Variants in ABCC5 observed in about 807,000 individuals in gnomAD.
ABCC5 encodes the protein ATP-binding cassette sub-family C member 5.
Under a neutral mutation model 160.9 loss-of-function variants are expected in ABCC5, and 61 were observed. The ratio of observed to expected loss-of-function variants is 0.38; its 90% confidence interval spans 0.31 to 0.47. The LOEUF (loss-of-function observed/expected upper bound fraction) is 0.47. Among genes scored for constraint, ABCC5 ranks in the 20% least tolerant of loss-of-function variants. The pLI, the probability that ABCC5 is intolerant of heterozygous loss-of-function variation, is 0.99. For missense variants in ABCC5, 1,308 were observed against 1,813.3 expected (o/e 0.72, Z 5.06); for synonymous variants, 666 against 700.6 (o/e 0.95, Z 0.78).
intron 11 of ABCC5, among the ~76,000 whole-genome samples, chr3:183,968,289 T>C (rs751591958): frequency 3.9e-5 from 6 of 152,066 alleles, no homozygotes; most frequent in Non-Finnish European, 8.8e-5. Flanking sequence ...TTTATATTTT[T>C]AGTAGAGACA....
At chr3:183,959,662 A>G in intron 17 of ABCC5, 71 bp downstream of exon 17, 1 of 1,148,554 alleles carries the variant, frequency 8.7e-7, no homozygotes, top group South Asian at 1.3e-5. Context: ...AACATCATGA[A>G]TTACTTACTA....
rs1413590177 is a variant in ABCC5, at chr3:183,929,150, C to T, written c.3855-325G>A. On this transcript the variant is annotated intron_variant, in intron 26 of 29. Transcript: ENST00000334444. Reference sequence around the variant, plus strand: ...CGTGTATTTGTTAAAATACATCTTTCGGCTGGGTGCAATGGCTCATGTTTG... The same window carrying T: ...CGTGTATTTGTTAAAATACATCTTTTGGCTGGGTGCAATGGCTCATGTTTG... 9.2e-5 allele frequency among the ~76,000 whole-genome samples: 14 copies of T among 152,190 alleles called. No individual in the cohort carries two copies. The East Asian group carries it at 2.3e-3, about 25-fold the overall frequency.
intron 5 of ABCC5, chr3:183,983,810 A>G: frequency 1.0e-6 from 1 of 985,518 alleles, no homozygotes; most frequent in Non-Finnish European, 1.2e-6. Context: ...ATCTTCAAAG[A>G]GCATCTCACA....
At position 183,987,927 on chromosome 3, in the gene ABCC5, G is replaced by A. The variant is rs1457712590; in HGVS notation, c.444-10C>T. On this transcript the variant is annotated splice_polypyrimidine_tract_variant and intron_variant, in intron 4 of 29. Transcript: ENST00000334444. This position sits in a 1 kb window ranked among gnomAD's most constrained non-coding sequence, Gnocchi z 4.2. ...CCACAGTCTCTCTAGTCTTAACAAGGGCACACGTCCTCGTTACACATCTCC... is the reference window on the plus strand; with the variant it reads ...CCACAGTCTCTCTAGTCTTAACAAGAGCACACGTCCTCGTTACACATCTCC... 6.2e-7 allele frequency: 1 copy of A among 1,613,206 alleles called. No homozygotes were observed.
chr3:183,962,481 G>C (rs987002305), intron 15 of ABCC5, among the ~76,000 whole-genome samples: 3 of 151,466 alleles, frequency 2.0e-5, no homozygotes, highest in Admixed American at 2.0e-4. Flanking sequence ...CCCCACTTCA[G>C]TGTATTGTGC....
rs1366635272 is a variant in ABCC5 at position 183,967,766 on chromosome 3, C to T, written c.1762G>A (p.Gly588Ser). Residue 588 changes from glycine to serine, a missense_variant and splice_region_variant, in exon 12 of 30, where the codon GGT (glycine) becomes AGT (serine). Physicochemically the swap from Gly to Ser is moderately conservative, Grantham distance 56. This residue lies in a region of ABCC5 where 1,142 missense variants were observed against 1,527.1 expected (regional missense o/e 0.75). Transcript: ENST00000334444. ...LHSIDLEIQEGKLVGICGSVG... is the reference protein window; with the variant it reads ...LHSIDLEIQESKLVGICGSVG... ...CTGCCACAGATTCCAACCAGTTTAC[C>T]CTGGACAAGGCACACAGAGAGGAGG... 6.2e-7 allele frequency: 1 copy of T among 1,612,870 alleles called. No individual in the cohort carries two copies. The highest frequency in any genetic ancestry group is 2.2e-5 in the East Asian group (1 of 44,864).
Position 183,963,690 on chromosome 3 carries a change from T to G in ABCC5, c.2032-102A>C. The G allele has an allele frequency of 9.6e-6, 10 of 1,040,196 alleles. No homozygotes were observed. Among genetic ancestry groups the G allele is most frequent in the African/African-American group, 1.6e-5 (1 of 62,060 alleles). The allele number at this position is 1,040,196 out of a possible 1,614,324, so 64.4% of individuals were successfully genotyped here. On this transcript the variant is annotated intron_variant, in intron 14 of 29. Transcript: ENST00000334444. This position sits in a 1 kb window ranked among gnomAD's most constrained non-coding sequence, Gnocchi z 4.6. ...CTTCTTGCCCACCCAGACCAGCTCCTTCTGTCAATTCCCCGCAGATGAACT... is the reference window on the plus strand; with the variant it reads ...CTTCTTGCCCACCCAGACCAGCTCCGTCTGTCAATTCCCCGCAGATGAACT...
At position 183,947,373 on chromosome 3, in the gene ABCC5, C is replaced by G; in HGVS notation, c.3365G>C (p.Gly1122Ala). 5 of 1,613,628 alleles carry G rather than the reference C, an allele frequency of 3.1e-6. No individual in the cohort carries two copies. Among genetic ancestry groups the G allele is most frequent in the Non-Finnish European group, 4.2e-6 (5 of 1,179,790 alleles). ...TTGLMIVLMH[G>A]QIPPAYAGLA... is the part of the protein sequence containing the mutation. ...ACCCGCATAGGCTGGGGGAATCTGCCCGTGCATAAGAACGATCATCAGCCC... is the reference window on the plus strand; with the variant it reads ...ACCCGCATAGGCTGGGGGAATCTGCGCGTGCATAAGAACGATCATCAGCCC... Residue 1122 changes from glycine to alanine, a missense_variant, in exon 23 of 30, where the codon GGG becomes GCG. Gly to Ala is a moderately conservative substitution (Grantham distance 60). Around this residue, in one of 3 missense-constraint regions of ABCC5, gnomAD observed 1,142 missense variants for 1,527.1 expected, o/e 0.75. Coordinates refer to ENST00000334444, the MANE Select transcript of ABCC5 (RefSeq NM_005688.4).
chr3:183,984,496 C>T (rs1719028692), intron 5 of ABCC5: 1 of 1,075,064 alleles, frequency 9.3e-7, no homozygotes, highest in African/African-American at 1.7e-5. Flanking sequence ...AAAACCCAGA[C>T]TCTCTCTGGG....
At chr3:183,938,109 G>A in intron 25 of ABCC5, 49 bp from the exon 26 acceptor site, 23 of 1,592,718 alleles carry the variant, frequency 1.4e-5, no homozygotes, top group Non-Finnish European at 2.0e-5. Context: ...CAAAGTCTGT[G>A]AGGACAATGC....
chr3:183,942,853 C>T lies in ABCC5; in HGVS notation c.3568G>A (p.Glu1190Lys), dbSNP rs531275361. ...GCGTTCTCAAAGGTCACCTCTCCCT[C>T]CTGGGGCCAGTCAGGGGAGGGAGCC... ...NKAPSPDWPQ[E>K]GEVTFENAEM... is the part of the protein sequence containing the mutation. The change falls in exon 25 of 30, where the codon GAG becomes AAG. Residue 1190 changes from glutamate to lysine, a missense_variant. This residue lies in a region of ABCC5 where 1,142 missense variants were observed against 1,527.1 expected (regional missense o/e 0.75). Coordinates refer to ENST00000334444, the MANE Select transcript of ABCC5 (RefSeq NM_005688.4). 6.2e-7 allele frequency: 1 copy of T among 1,614,152 alleles called. No homozygotes were observed. Among genetic ancestry groups the T allele is most frequent in the African/African-American group, 1.3e-5 (1 of 75,022 alleles).
In ABCC5 at chr3:183,953,264, A is replaced by G; in HGVS notation, c.2489T>C (p.Leu830Pro). ...EKAVKPEEGQ[L>P]VQLEEKGQGS... ...CTGCCCTTTCTCTTCCAGCTGCACA[A>G]GCTGCCCTAGGTAAGAAAAAAAGAA... The change falls in exon 18 of 30, where the codon CTT (leucine) becomes CCT (proline). Residue 830 changes from leucine to proline, a missense_variant. Around this residue, in one of 3 missense-constraint regions of ABCC5, gnomAD observed 1,142 missense variants for 1,527.1 expected, o/e 0.75. Coordinates refer to ENST00000334444, the MANE Select transcript of ABCC5 (RefSeq NM_005688.4). 2 of 1,607,740 alleles carry G rather than the reference A, an allele frequency of 1.2e-6. No homozygotes were observed. Among genetic ancestry groups the G allele is most frequent in the Non-Finnish European group, 8.5e-7 (1 of 1,177,048 alleles).
chr3:183,933,893 T>C (rs1195129647), intron 26 of ABCC5, among the ~76,000 whole-genome samples: 2 of 152,192 alleles, frequency 1.3e-5, no homozygotes, highest in Admixed American at 1.3e-4. Context: ...TACTGGCTAA[T>C]GGTGGTGGAG....
chr3:184,003,566 A>C (rs1455622907), intron 2 of ABCC5, among the ~76,000 whole-genome samples: 2 of 152,162 alleles, frequency 1.3e-5, no homozygotes, highest in Non-Finnish European at 2.9e-5. Flanking sequence ...CAGTCCTATC[A>C]CTCAACAGCT....
chr3:183,986,801 T>C (rs946861449), intron 5 of ABCC5: 2 of 152,202 alleles, frequency 1.3e-5, no homozygotes, highest in African/African-American at 4.8e-5. Flanking sequence ...TTCAGTTACA[T>C]GGTCCTTCTT....
In ABCC5 at chr3:183,925,643, G is replaced by A; in HGVS notation, c.4124C>T (p.Ala1375Val). 6.2e-7 allele frequency: 1 copy of A among 1,614,094 alleles called. No individual in the cohort carries two copies. The highest frequency in any genetic ancestry group is 8.5e-7 in the Non-Finnish European group (1 of 1,180,022). The change falls in exon 29 of 30, where the codon GCA becomes GTA. Residue 1375 changes from alanine (A) to valine (V), a missense_variant. Ala to Val is a moderately conservative substitution (Grantham distance 64). Coordinates refer to ENST00000334444, the MANE Select transcript of ABCC5 (RefSeq NM_005688.4). ...DLLIQETIRE[A>V]FADCTMLTIA... ...GGTCAGCATGGTACAGTCTGCAAAT[G>A]CTTCTCGGATGGTCTCTTGAATCAA...
intron 10 of ABCC5, among the ~76,000 whole-genome samples, chr3:183,975,736 G>A (rs1411109435): frequency 6.6e-6 from 1 of 151,994 alleles, no homozygotes; most frequent in African/African-American, 2.4e-5. Context: ...TAAGATAGAA[G>A]GGGTCTAAAG....
intron 29 of ABCC5, among the ~76,000 whole-genome samples, chr3:183,922,661 T>C (rs889859504): frequency 5.3e-5 from 8 of 152,194 alleles, no homozygotes; most frequent in African/African-American, 1.9e-4. Context: ...CCACCTCCTG[T>C]GGCAGAGGCT....
chr3:184,008,491 C>T (rs1198245360), intron 2 of ABCC5, among the ~76,000 whole-genome samples: 1 of 152,184 alleles, frequency 6.6e-6, no homozygotes, highest in East Asian at 1.9e-4. Flanking sequence ...CAACAGAAAC[C>T]ACCACTTTAT....
Sources: allele counts gnomAD v4.1 joint callset (sites outside exome capture counted in the v4.1 genomes callset), GRCh38; gene constraint gnomAD v4.1.1; regional missense constraint gnomAD v4.1.1; non-coding constraint Gnocchi (gnomAD v3.1); transcripts MANE v1.5; gene names NCBI Gene and HGNC (gene_info 2026-07-23, HGNC 2026-07-21).